Variants in ADCY1 observed in about 807,000 individuals in gnomAD.
The protein encoded by ADCY1 is adenylate cyclase type 1.
A neutral mutation model predicts 105.4 loss-of-function variants in ADCY1; 28 were observed. The ratio of observed to expected loss-of-function variants is 0.27; its 90% CI spans 0.20 to 0.36. The LOEUF is 0.36. ADCY1 is among the 10% of genes least tolerant of loss of function. The pLI is 1.00. For missense variants in ADCY1, 977 were observed against 1,434.2 expected, an observed-to-expected ratio of 0.68 and a Z score of 5.15; for synonymous variants, 655 against 623.8, an observed-to-expected ratio of 1.05 and a Z score of -0.75.
At chr7:45,681,993 C>G (rs931547336) in intron 11 of ADCY1, among the ~76,000 whole-genome samples, 1 of 152,212 alleles carries the variant, frequency 6.6e-6, no homozygotes, top group African/African-American at 2.4e-5. Flanking sequence ...TTTCCCCATC[C>G]CCATCCCTCG....
chr7:45,601,438 C>G (rs1793236830), intron 2 of ADCY1, among the ~76,000 whole-genome samples: 1 of 152,166 alleles, frequency 6.6e-6, no homozygotes, highest in African/African-American at 2.4e-5. Flanking sequence ...GCGCACTGCA[C>G]CCTTAGCCTG....
chr7:45,681,200 T>C (rs560471321), intron 11 of ADCY1, among the ~76,000 whole-genome samples: 12 of 152,366 alleles, frequency 7.9e-5, no homozygotes, highest in Middle Eastern at 3.4e-3. Context: ...ATTGGGGCGC[T>C]AAGTCATCTG....
rs374003806 is a variant in ADCY1 at position 45,602,447 on chromosome 7, G to A, written c.790-7932G>A. Among the ~76,000 whole-genome samples, 131 of 152,208 alleles carry A rather than the reference G, an allele frequency of 8.6e-4. 3 individuals carry two copies. The South Asian group carries it at 0.027, about 32-fold the overall frequency. On this transcript the variant is annotated intron_variant, in intron 2 of 19. Coordinates refer to ENST00000297323, the MANE Select transcript of ADCY1 (RefSeq NM_021116.4). ...TGGAGCTGGCCCCTCCCAGAGCCCT[G>A]GCTGTTCCTCAGATGCCATTATTAA...
At position 45,678,065 on chromosome 7, in the gene ADCY1, T is replaced by C; in HGVS notation, c.1800+2T>C. On this transcript the variant is annotated splice_donor_variant, in intron 9 of 19. Transcript: ENST00000297323. LOFTEE classifies it high-confidence loss of function. ...AAACATGTCGAACGGGAGCAAAAGGTAAGCAACTCTGGTTTTCGGCTTCCC... is the reference window on the plus strand; with the variant it reads ...AAACATGTCGAACGGGAGCAAAAGGCAAGCAACTCTGGTTTTCGGCTTCCC... The C allele has an allele frequency of 6.2e-7, 1 of 1,613,786 alleles. No individual in the cohort carries two copies. The highest frequency in any genetic ancestry group is 8.5e-7 in the Non-Finnish European group (1 of 1,179,820).
chr7:45,645,415 T>A (rs1794634450), intron 4 of ADCY1, among the ~76,000 whole-genome samples: 1 of 152,068 alleles, frequency 6.6e-6, no homozygotes, highest in Admixed American at 6.6e-5. Flanking sequence ...AGTCTTGGTG[T>A]CAAATAGGAT....
At chr7:45,580,395 G>T (rs1319798569) in intron 1 of ADCY1, among the ~76,000 whole-genome samples, 2 of 152,324 alleles carry the variant, frequency 1.3e-5, no homozygotes, top group East Asian at 3.9e-4. Flanking sequence ...CAGCTGCCGG[G>T]GCCTCCCTGC....
At chr7:45,603,761 AATTTGTGATTTC>A (rs1793305608) in intron 2 of ADCY1, among the ~76,000 whole-genome samples, 1 of 152,238 alleles carries the variant, frequency 6.6e-6, no homozygotes, top group African/African-American at 2.4e-5. Context: ...CATTTCTTTA[AATTTGTGATTTC>A]AAAAAATTTA....
At chr7:45,612,793 G>A (rs537328320) in intron 3 of ADCY1, among the ~76,000 whole-genome samples, 1 of 152,296 alleles carries the variant, frequency 6.6e-6, no homozygotes, top group South Asian at 2.1e-4. Flanking sequence ...GATAGGTCTT[G>A]TACAGTCTGG....
At chr7:45,636,786 C>T (rs1479712374) in intron 4 of ADCY1, among the ~76,000 whole-genome samples, 1 of 152,250 alleles carries the variant, frequency 6.6e-6, no homozygotes, top group Admixed American at 6.5e-5. Context: ...GGGAATCCGC[C>T]TGCCTCAGCC....
In ADCY1 at chr7:45,615,176, T is replaced by A. The variant is rs1793704445; in HGVS notation, c.908+4679T>A. Among the ~76,000 whole-genome samples the A allele has an allele frequency of 3.9e-5, 6 of 152,354 alleles. No individual in the cohort carries two copies. In the South Asian group the frequency reaches 1.2e-3, roughly 32 times the overall value. On this transcript the variant is annotated intron_variant, in intron 3 of 19. Transcript: ENST00000297323. Reference sequence around the variant, plus strand: ...CAAGAATTATATCAGGTATCTTTTCTGATCACAGAGGGATGAAATTAGAAA... The same window carrying A: ...CAAGAATTATATCAGGTATCTTTTCAGATCACAGAGGGATGAAATTAGAAA...
intron 2 of ADCY1, 32 bp from the exon 3 acceptor site, chr7:45,610,347 C>A: frequency 6.3e-7 from 1 of 1,577,746 alleles, no homozygotes; most frequent in Non-Finnish European, 8.7e-7. Flanking sequence ...GGGGGCCCTG[C>A]TGTCTAACCC....
At chr7:45,659,523 G>T (rs1475513474) in intron 6 of ADCY1, among the ~76,000 whole-genome samples, 1 of 152,178 alleles carries the variant, frequency 6.6e-6, no homozygotes, top group Non-Finnish European at 1.5e-5. Context: ...GGGTTGGGGA[G>T]GCGTGAATGC....
At chr7:45,645,455 G>A (rs1794635690) in intron 4 of ADCY1, among the ~76,000 whole-genome samples, 1 of 152,142 alleles carries the variant, frequency 6.6e-6, no homozygotes, top group East Asian at 1.9e-4. Context: ...GCTGTTTGGA[G>A]CAGCTGTACT....
At chr7:45,634,322 G>T (rs1339302117) in intron 4 of ADCY1, among the ~76,000 whole-genome samples, 1 of 152,058 alleles carries the variant, frequency 6.6e-6, no homozygotes, top group Non-Finnish European at 1.5e-5. Flanking sequence ...CAACAGTAGG[G>T]GAAGGCATTC....
intron 3 of ADCY1, 101 bp downstream of exon 3, chr7:45,610,598 G>A (rs1793508573): frequency 9.9e-7 from 1 of 1,013,434 alleles, no homozygotes; most frequent in Non-Finnish European, 1.5e-6. Flanking sequence ...GGGAAGGGAT[G>A]GATGGAGGTG....
At chr7:45,636,198 T>C (rs1794395661) in intron 4 of ADCY1, among the ~76,000 whole-genome samples, 1 of 152,232 alleles carries the variant, frequency 6.6e-6, no homozygotes, top group African/African-American at 2.4e-5. Flanking sequence ...CAGGGCATTG[T>C]TCTAAGACTA....
intron 11 of ADCY1, among the ~76,000 whole-genome samples, chr7:45,680,849 A>C (rs1453554203): frequency 6.6e-6 from 1 of 152,262 alleles, no homozygotes; most frequent in Non-Finnish European, 1.5e-5. Flanking sequence ...TACAAATAGC[A>C]TTAGACATGC....
chr7:45,711,789 A>T (rs1446601792), intron 19 of ADCY1, among the ~76,000 whole-genome samples: 1 of 134,238 alleles, frequency 7.4e-6, no homozygotes, highest in African/African-American at 2.7e-5. Flanking sequence ...CATGAAGTGT[A>T]AATATATATA....
At chr7:45,622,503 G>A in intron 3 of ADCY1, 129 bp from the exon 4 acceptor site, 1 of 678,424 alleles carries the variant, frequency 1.5e-6, no homozygotes, top group East Asian at 2.7e-5. Flanking sequence ...TTCATTTCTG[G>A]TCTGCATTGA....
Sources: gnomAD v4.1 joint callset for allele counts (sites outside exome capture counted in the v4.1 genomes callset) on GRCh38, gnomAD v4.1.1 for gene constraint, MANE v1.5 for transcripts, NCBI Gene and HGNC (gene_info 2026-07-23, HGNC 2026-07-21) for gene names.